Variants in ZDHHC2 observed in about 807,000 individuals in gnomAD.
The protein encoded by ZDHHC2 is zDHHC palmitoyltransferase 2, also known as palmitoyltransferase ZDHHC2.
Under a neutral mutation model 55.6 loss-of-function variants are expected in ZDHHC2, and 51 were observed. The ratio of observed to expected loss-of-function variants is 0.92; its 90% CI spans 0.73 to 1.16. The LOEUF (loss-of-function observed/expected upper bound fraction) is 1.16. Among genes scored for constraint, ZDHHC2 ranks in the 50% most tolerant of loss-of-function variants. The probability of loss-of-function intolerance (pLI) is 0.00; values close to 1 mark genes in which losing one functional copy is unlikely to be tolerated. For missense variants in ZDHHC2, 491 were observed against 442.4 expected, an observed-to-expected ratio of 1.11 and a Z score of -0.99; for synonymous variants, 199 against 152.9, an observed-to-expected ratio of 1.30 and a Z score of -2.22.
chr8:17,170,732 A>G (rs1804817501), intron 1 of ZDHHC2, among the ~76,000 whole-genome samples: 3 of 152,228 alleles, frequency 2.0e-5, no homozygotes, highest in Admixed American at 6.5e-5. Flanking sequence ...TGAGTATACC[A>G]GATAATAAGA....
intron 3 of ZDHHC2, among the ~76,000 whole-genome samples, chr8:17,188,597 C>A (rs1287389103): frequency 6.6e-6 from 1 of 152,134 alleles, no homozygotes; most frequent in Non-Finnish European, 1.5e-5. Flanking sequence ...TTGGAATGTT[C>A]CAGAGCTTAA....
chr8:17,195,394 A>G (rs1246762868), intron 3 of ZDHHC2, 110 bp from the exon 4 acceptor site: 6 of 1,271,670 alleles, frequency 4.7e-6, no homozygotes, highest in Non-Finnish European at 6.5e-6. Flanking sequence ...CTTTGAATGT[A>G]CAATATACCA....
At chr8:17,163,538 T>A (rs1259341132) in intron 1 of ZDHHC2, among the ~76,000 whole-genome samples, 1 of 152,220 alleles carries the variant, frequency 6.6e-6, no homozygotes, top group East Asian at 1.9e-4. Context: ...ATGGAGAATT[T>A]GTGATTTTCC....
In ZDHHC2 at chr8:17,224,395, A is replaced by T. The variant is rs576863568; in HGVS notation, c.*4174A>T. ...GCAATTAAACCAAAGGGAAACTTTT[A>T]ATAAGTTATTTTAAGCCCTGGTTTA... On this transcript the variant is annotated 3_prime_UTR_variant, in exon 13 of 13. Transcript: ENST00000262096. 6.6e-6 allele frequency: 1 copy of T among 151,840 alleles called. No homozygotes were observed. The highest frequency in any genetic ancestry group is 2.4e-5 in the African/African-American group (1 of 41,518). 9.4% of individuals were successfully genotyped at this position (151,840 alleles called of 1,614,324 possible).
intron 12 of ZDHHC2, among the ~76,000 whole-genome samples, chr8:17,219,391 G>A (rs145462005): frequency 1.0e-3 from 154 of 151,038 alleles, no homozygotes; most frequent in African/African-American, 3.5e-3. Context: ...GTTATAATGT[G>A]CCTAAACCCA....
chr8:17,199,553 G>T (rs1309319490), intron 6 of ZDHHC2, among the ~76,000 whole-genome samples: 5 of 86,768 alleles, frequency 5.8e-5, no homozygotes, highest in Admixed American at 3.0e-4. Context: ...TTCTGTCTTC[G>T]TCTTCGTCTT....
intron 1 of ZDHHC2, among the ~76,000 whole-genome samples, chr8:17,166,867 T>C (rs994560687): frequency 2.0e-5 from 3 of 152,128 alleles, no homozygotes; most frequent in Non-Finnish European, 4.4e-5. Flanking sequence ...TATTACTGAC[T>C]CTGATGACTT....
intron 2 of ZDHHC2, among the ~76,000 whole-genome samples, chr8:17,185,960 AG>A (rs1451846195): frequency 1.3e-5 from 2 of 152,208 alleles, no homozygotes; most frequent in African/African-American, 4.8e-5. Context: ...AAGTTCTTAA[AG>A]CCTGAGTGTT....
chr8:17,197,150 A>C (rs1474537142), intron 4 of ZDHHC2, among the ~76,000 whole-genome samples: 3 of 152,204 alleles, frequency 2.0e-5, no homozygotes, highest in African/African-American at 7.2e-5. Context: ...CTGAGTTTCC[A>C]AAGCTAGTTA....
At chr8:17,215,134 C>G in intron 10 of ZDHHC2, 103 bp from the exon 11 acceptor site, 1 of 931,706 alleles carries the variant, frequency 1.1e-6, no homozygotes, top group South Asian at 1.6e-5. Context: ...CCTGCATCAT[C>G]TTGCATTGCA....
intron 10 of ZDHHC2, among the ~76,000 whole-genome samples, chr8:17,213,231 C>A (rs575594635): frequency 9.5e-4 from 144 of 152,090 alleles, no homozygotes; most frequent in African/African-American, 3.4e-3. Context: ...TTCTCCGCCT[C>A]TTCCTGTTAC....
intron 1 of ZDHHC2, among the ~76,000 whole-genome samples, chr8:17,180,268 T>G (rs1805361796): frequency 6.6e-6 from 1 of 152,224 alleles, no homozygotes; most frequent in South Asian, 2.1e-4. Context: ...CACATCAAGA[T>G]CGAAGTTTTA....
chr8:17,186,370 TTGTC>T lies in ZDHHC2; in HGVS notation c.200_203del (p.Val67GlyfsTer12), dbSNP rs1207774134. The T allele has an allele frequency of 5.6e-6, 9 of 1,593,602 alleles. No homozygotes were observed. The highest frequency in any genetic ancestry group is 4.1e-5 in the African/African-American group (3 of 73,886). ...GCCTATCATCTACTTTTTGCAATGT[TTGTC>T]TGGTCATACTGGAAAACTATCTTTA... On this transcript the variant is annotated frameshift_variant, in exon 3 of 13. Coordinates refer to ENST00000262096, the MANE Select transcript of ZDHHC2 (RefSeq NM_016353.5). LOFTEE classifies it high-confidence loss of function.
chr8:17,220,082 G>A (rs1328576257), intron 12 of ZDHHC2, among the ~76,000 whole-genome samples, 174 bp from the exon 13 acceptor site: 2 of 152,066 alleles, frequency 1.3e-5, no homozygotes, highest in East Asian at 3.8e-4. Flanking sequence ...GCATATTAAA[G>A]TTTGAGCAGT....
chr8:17,207,767 A>T (rs1307569303), intron 7 of ZDHHC2, among the ~76,000 whole-genome samples, 193 bp from the exon 8 acceptor site: 1 of 151,992 alleles, frequency 6.6e-6, no homozygotes, highest in Non-Finnish European at 1.5e-5. Context: ...ATATATATTC[A>T]TATTCTCGTA....
chr8:17,176,457 A>AT (rs1289199955), intron 1 of ZDHHC2, among the ~76,000 whole-genome samples: 5 of 152,170 alleles, frequency 3.3e-5, no homozygotes, highest in African/African-American at 4.8e-5. Flanking sequence ...AAAAGTCAAG[A>AT]TTTTTTCACC....
intron 11 of ZDHHC2, among the ~76,000 whole-genome samples, chr8:17,216,824 T>C (rs886086020): frequency 6.6e-6 from 1 of 152,050 alleles, no homozygotes; most frequent in African/African-American, 2.4e-5. Flanking sequence ...TGCTCAAAGA[T>C]TGGTTTGACT....
At chr8:17,201,227 C>G (rs190078508) in intron 6 of ZDHHC2, among the ~76,000 whole-genome samples, 3 of 152,094 alleles carry the variant, frequency 2.0e-5, no homozygotes, top group African/African-American at 7.2e-5. Flanking sequence ...CTTTTCAGAT[C>G]TCAATGTATG....
At chr8:17,182,836 A>T (rs755312153) in intron 1 of ZDHHC2, among the ~76,000 whole-genome samples, 84 of 152,226 alleles carry the variant, frequency 5.5e-4, no homozygotes, top group Middle Eastern at 3.4e-3. Context: ...ATGTTGGCTC[A>T]CTGCAACCTC....
Sources: allele counts gnomAD v4.1 joint callset (sites outside exome capture counted in the v4.1 genomes callset), GRCh38; gene constraint gnomAD v4.1.1; transcripts MANE v1.5; gene names NCBI Gene and HGNC (gene_info 2026-07-23, HGNC 2026-07-21).